Variants in CAB39L observed in about 807,000 individuals in gnomAD.
CAB39L encodes calcium-binding protein 39-like.
A neutral mutation model predicts 39.1 loss-of-function variants in CAB39L; 23 were observed. The observed-to-expected ratio is 0.59, with a 90% CI of 0.42 to 0.83. The LOEUF (loss-of-function observed/expected upper bound fraction) is 0.83, where lower values mean the gene tolerates loss of function less well. Ranked by LOEUF, CAB39L falls within the 40% of genes least tolerant of loss-of-function variation. CAB39L has a pLI of 0.00. For missense variants in CAB39L, 366 were observed against 391.9 expected, an observed-to-expected ratio of 0.93 and a Z score of 0.56; for synonymous variants, 126 against 137.2, an observed-to-expected ratio of 0.92 and a Z score of 0.57.
intron 6 of CAB39L, among the ~76,000 whole-genome samples, chr13:49,354,224 A>C (rs1483521108): frequency 6.6e-6 from 1 of 152,254 alleles, no homozygotes; most frequent in East Asian, 1.9e-4. Context: ...GGGTCAGCAC[A>C]CTTGTCATTT....
chr13:49,439,921 G>GTTTTTTTTT (rs34993624), intron 1 of CAB39L, among the ~76,000 whole-genome samples: 47 of 78,582 alleles, frequency 6.0e-4, no homozygotes, highest in East Asian at 9.7e-4. Context: ...TTTTTAATGG[G>GTTTTTTTTT]TTTTTTTTTT....
At chr13:49,341,708 T>C (rs546438114) in intron 8 of CAB39L, among the ~76,000 whole-genome samples, 6 of 152,244 alleles carry the variant, frequency 3.9e-5, no homozygotes, top group African/African-American at 1.2e-4. Flanking sequence ...ACTGTATATT[T>C]CAAAATAGCT....
rs112041081 is a variant in CAB39L at position 49,389,785 on chromosome 13, T to C, written c.-31-6844A>G. Among the ~76,000 whole-genome samples the C allele has an allele frequency of 3.1e-3, 465 of 152,336 alleles. 2 individuals carry two copies. Among genetic ancestry groups the C allele is most frequent in the African/African-American group, 0.011 (442 of 41,572 alleles). ...AGCTGTGTAGTGTGAGTTGCAGTTA[T>C]CACCCATCCTTCCTAACATTTGGAC... On this transcript the variant is annotated intron_variant, in intron 3 of 10. Coordinates refer to ENST00000409308, the MANE Select transcript of CAB39L (RefSeq NM_001079670.3).
chr13:49,392,738 G>T (rs1235607841), intron 3 of CAB39L, among the ~76,000 whole-genome samples: 1 of 151,566 alleles, frequency 6.6e-6, no homozygotes, highest in African/African-American at 2.4e-5. Context: ...AGGAGCTACT[G>T]GGAAAGTGAT....
chr13:49,352,217 T>C (rs1169587347), intron 6 of CAB39L, among the ~76,000 whole-genome samples: 1 of 151,492 alleles, frequency 6.6e-6, no homozygotes, highest in Non-Finnish European at 1.5e-5. Flanking sequence ...GCATACCAGA[T>C]TGGTTCCATT....
rs751441791 is a variant in CAB39L, at chr13:49,350,864, T to C, written c.444A>G (p.Glu148=). Residue 148 remains glutamate, a synonymous_variant, in exon 7 of 11, where the codon GAA becomes GAG. Coordinates refer to ENST00000409308, the MANE Select transcript of CAB39L (RefSeq NM_001079670.3). ...TGGCAAGTGGTTCATGTCGAATACA[T>C]TCTCTCAGCATAATCCCACAACGTA... ...IALRCGIMLR[E]CIRHEPLAKI... is the part of the protein sequence containing the mutation. The C allele has an allele frequency of 6.2e-7, 1 of 1,611,960 alleles. No homozygotes were observed. The highest frequency in any genetic ancestry group is 1.1e-5 in the South Asian group (1 of 90,480).
chr13:49,338,505 G>A (rs1242224666), intron 9 of CAB39L, among the ~76,000 whole-genome samples: 1 of 124,352 alleles, frequency 8.0e-6, no homozygotes, highest in African/African-American at 3.1e-5. Context: ...CTGTTGTGGG[G>A]TGGGGGGAGG....
chr13:49,390,628 T>C (rs965426990), intron 3 of CAB39L, among the ~76,000 whole-genome samples: 1 of 152,156 alleles, frequency 6.6e-6, no homozygotes, highest in African/African-American at 2.4e-5. Context: ...AGATATACTA[T>C]GCTATCACAT....
chr13:49,403,796 A>G (rs1273832950), intron 3 of CAB39L, among the ~76,000 whole-genome samples: 1 of 152,164 alleles, frequency 6.6e-6, no homozygotes, highest in Non-Finnish European at 1.5e-5. Context: ...AAACCCTATA[A>G]ACTCTGGAAT....
At chr13:49,443,199 C>G (rs1352939882) in intron 1 of CAB39L, among the ~76,000 whole-genome samples, 5 of 152,000 alleles carry the variant, frequency 3.3e-5, no homozygotes, top group Admixed American at 3.3e-4. Flanking sequence ...CCTCCTGCTC[C>G]ATGAAGTGAC....
intron 5 of CAB39L, 51 bp downstream of exon 5, chr13:49,376,916 T>TAA (rs1956079296): frequency 7.0e-7 from 1 of 1,431,032 alleles, no homozygotes; most frequent in Non-Finnish European, 9.6e-7. Flanking sequence ...GATAGATAGA[T>TAA]AGATATTAAA....
intron 3 of CAB39L, among the ~76,000 whole-genome samples, chr13:49,422,797 T>C (rs904429006): frequency 2.0e-5 from 3 of 152,086 alleles, no homozygotes; most frequent in Admixed American, 6.6e-5. Flanking sequence ...AATGAATTCC[T>C]TGCACTTCTC....
intron 1 of CAB39L, among the ~76,000 whole-genome samples, chr13:49,441,287 G>C (rs1957519766): frequency 7.1e-6 from 1 of 141,412 alleles, no homozygotes; most frequent in South Asian, 2.2e-4. Context: ...CTAAAAGGAG[G>C]TTCCCGGCTA....
At chr13:49,380,120 T>A (rs761693851) in intron 4 of CAB39L, among the ~76,000 whole-genome samples, 6 of 152,234 alleles carry the variant, frequency 3.9e-5, no homozygotes, top group Non-Finnish European at 8.8e-5. Flanking sequence ...ATTACAGGCG[T>A]GAGCCACTGC....
chr13:49,442,557 G>A (rs2138764357), intron 1 of CAB39L, among the ~76,000 whole-genome samples: 1 of 152,166 alleles, frequency 6.6e-6, no homozygotes, highest in East Asian at 1.9e-4. Context: ...TTTGGGAGGT[G>A]GAGGCGGGCA....
chr13:49,432,060 T>C (rs958969088), intron 3 of CAB39L, among the ~76,000 whole-genome samples: 4 of 152,196 alleles, frequency 2.6e-5, no homozygotes, highest in Non-Finnish European at 5.9e-5. Flanking sequence ...TTGCCAATTC[T>C]TTTTTTAATG....
intron 5 of CAB39L, 81 bp from the exon 6 acceptor site, chr13:49,359,913 T>C (rs567750287): frequency 4.2e-6 from 3 of 710,032 alleles, no homozygotes; most frequent in African/African-American, 1.8e-5. Flanking sequence ...TACATATATA[T>C]ATACACACAG....
intron 10 of CAB39L, among the ~76,000 whole-genome samples, chr13:49,329,591 ATATAT>A (rs1954627274): frequency 4.9e-5 from 6 of 123,316 alleles, no homozygotes; most frequent in African/African-American, 1.8e-4. Context: ...ATATATATAT[ATATAT>A]AATGATGTAA....
At chr13:49,375,072 T>G (rs1157685523) in intron 5 of CAB39L, among the ~76,000 whole-genome samples, 1 of 152,178 alleles carries the variant, frequency 6.6e-6, no homozygotes, top group Non-Finnish European at 1.5e-5. Flanking sequence ...TAACTTTAGT[T>G]CCTGAGTTTG....
Sources: allele counts gnomAD v4.1 joint callset (sites outside exome capture counted in the v4.1 genomes callset), GRCh38; gene constraint gnomAD v4.1.1; transcripts MANE v1.5; gene names NCBI Gene and HGNC (gene_info 2026-07-23, HGNC 2026-07-21).